Variants in NME9 observed in about 807,000 individuals in gnomAD.
NME9 encodes the protein thioredoxin domain-containing protein 6.
A neutral mutation model predicts 44.4 loss-of-function variants in NME9; 48 were observed. The observed-to-expected ratio is 1.08, with a 90% confidence interval of 0.86 to 1.37. NME9 has a LOEUF of 1.37. Ranked by LOEUF, NME9 falls within the 40% of genes most tolerant of loss-of-function variation. The pLI is 0.00. For missense variants in NME9, 325 were observed against 405.2 expected, an observed-to-expected ratio of 0.80 and a Z score of 1.70; for synonymous variants, 139 against 147.1, an observed-to-expected ratio of 0.94 and a Z score of 0.40.
rs768751199 is a variant in NME9, at chr3:138,303,628, G to T, written c.807C>A (p.Tyr269Ter). The T allele has an allele frequency of 6.2e-7, 1 of 1,608,256 alleles. No homozygotes were observed. The highest frequency in any genetic ancestry group is 1.1e-5 in the South Asian group (1 of 90,860). Residue 269 changes from tyrosine (Y) to a stop codon, truncating the protein, a stop_gained, in exon 10 of 11, where the codon TAC becomes TAA. Coordinates refer to ENST00000333911, the MANE Select transcript of NME9 (RefSeq NM_001349018.2). LOFTEE classifies it high-confidence loss of function. ...CGGCATTGAAGGGCATTTCTGTGCC[G>T]TACTGAGCTCGGAGACTGGGAACAT... ...REQPESLRAQ[Y>*]GTEMPFNAVH...
intron 6 of NME9, among the ~76,000 whole-genome samples, chr3:138,312,857 C>A (rs1202068252): frequency 6.6e-6 from 1 of 152,144 alleles, no homozygotes; most frequent in Non-Finnish European, 1.5e-5. Context: ...AACTATCCCT[C>A]CGACAAGGGA....
intron 9 of NME9, 109 bp downstream of exon 9, chr3:138,304,764 A>G: frequency 9.4e-7 from 1 of 1,064,820 alleles, no homozygotes; most frequent in South Asian, 1.5e-5. Context: ...CCTGGCCATC[A>G]GAGAGTCCTC....
chr3:138,321,666 T>C (rs909313450), intron 2 of NME9, among the ~76,000 whole-genome samples: 2 of 152,088 alleles, frequency 1.3e-5, no homozygotes, highest in Non-Finnish European at 2.9e-5. Context: ...GGTTTAGCCA[T>C]GTAGCACAAT....
At chr3:138,284,360 C>A (rs989593758) in intron 8 of NME9, 11 of 1,226,586 alleles carry the variant, frequency 9.0e-6, no homozygotes, top group Non-Finnish European at 1.3e-5. Context: ...AAAAATTGCC[C>A]AAGCTCTTGA....
At chr3:138,265,274 T>A (rs1234281274) in intron 8 of NME9, among the ~76,000 whole-genome samples, 1 of 152,208 alleles carries the variant, frequency 6.6e-6, no homozygotes. Flanking sequence ...CAAAAAAGGT[T>A]CAGGACAAAT....
chr3:138,297,835 A>G (rs999558786), downstream of NME9: 6 of 152,324 alleles, frequency 3.9e-5, no homozygotes, highest in East Asian at 5.8e-4. Context: ...TTTTAACACA[A>G]AACACTATAG....
intron 8 of NME9, among the ~76,000 whole-genome samples, chr3:138,283,141 CT>C (rs2050102533): frequency 6.6e-6 from 1 of 152,168 alleles, no homozygotes; most frequent in African/African-American, 2.4e-5. Flanking sequence ...CAGAGGCAGC[CT>C]TTTCTGGTTT....
chr3:138,324,693 TACACACACAC>T (rs55961241), intron 2 of NME9, 170 bp downstream of exon 2: 76,742 of 527,810 alleles, frequency 0.15, 426 homozygotes, highest in South Asian at 0.18. Context: ...TCAAGCCAGA[TACACACACAC>T]ACACACACAC....
intron 4 of NME9, 50 bp from the exon 5 acceptor site, chr3:138,315,693 CTT>C (rs1410950353): frequency 2.1e-6 from 3 of 1,397,108 alleles, no homozygotes; most frequent in East Asian, 5.0e-5. Flanking sequence ...ATATTAATCT[CTT>C]GTAAGAGATG....
intron 8 of NME9, among the ~76,000 whole-genome samples, chr3:138,264,972 A>C (rs896962930): frequency 5.3e-5 from 8 of 150,798 alleles, no homozygotes; most frequent in African/African-American, 2.0e-4. Flanking sequence ...GTCATGGCTC[A>C]CTGCAGCCTT....
intron 2 of NME9, among the ~76,000 whole-genome samples, chr3:138,320,691 C>T (rs914266855): frequency 6.6e-6 from 1 of 152,164 alleles, no homozygotes; most frequent in Non-Finnish European, 1.5e-5. Context: ...CTGCACTGGG[C>T]ATTGTAGAGA....
intron 2 of NME9, among the ~76,000 whole-genome samples, chr3:138,321,820 G>C (rs1489057289): frequency 1.3e-5 from 2 of 152,044 alleles, no homozygotes; most frequent in African/African-American, 4.8e-5. Flanking sequence ...TCACCTTTGA[G>C]CCTGGCAGAG....
At chr3:138,321,131 G>A (rs2108459893) in intron 2 of NME9, among the ~76,000 whole-genome samples, 1 of 152,330 alleles carries the variant, frequency 6.6e-6, no homozygotes, top group East Asian at 1.9e-4. Flanking sequence ...TACAGATGAG[G>A]AAACTGAAGT....
intron 8 of NME9, among the ~76,000 whole-genome samples, chr3:138,289,988 G>A (rs906048115): frequency 1.3e-5 from 2 of 152,184 alleles, no homozygotes; most frequent in African/African-American, 2.4e-5. Context: ...TAGATACCAC[G>A]TACCACTTGT....
At chr3:138,309,873 C>A (rs1256221634) in intron 6 of NME9, among the ~76,000 whole-genome samples, 1 of 151,530 alleles carries the variant, frequency 6.6e-6, no homozygotes, top group African/African-American at 2.4e-5. Context: ...ACTAAAAATA[C>A]AAAATTAGCC....
chr3:138,271,043 C>T (rs1013235452), intron 8 of NME9, among the ~76,000 whole-genome samples: 1 of 152,128 alleles, frequency 6.6e-6, no homozygotes, highest in Non-Finnish European at 1.5e-5. Flanking sequence ...GTGAAGGCCT[C>T]ACAGTTAATA....
At chr3:138,263,538 A>G in intron 8 of NME9, 1 of 595,698 alleles carries the variant, frequency 1.7e-6, no homozygotes, top group Middle Eastern at 4.5e-4. Flanking sequence ...CCTGTCATTC[A>G]GCCTGGCAGG....
At position 138,301,504 on chromosome 3, in the gene NME9, C is replaced by T; in HGVS notation, c.*136G>A. 2.1e-6 allele frequency: 3 copies of T among 1,443,892 alleles called. No homozygotes were observed. The highest frequency in any genetic ancestry group is 2.7e-6 in the Non-Finnish European group (3 of 1,099,306). The allele number at this position is 1,443,892 out of a possible 1,614,324, so 89.4% of individuals were successfully genotyped here. Reference sequence around the variant, plus strand: ...ACAGGTGTGAGTCACTGCGCCCAGCCATATTATTTTCATTGTCTACAAAAG... The same window carrying T: ...ACAGGTGTGAGTCACTGCGCCCAGCTATATTATTTTCATTGTCTACAAAAG... On this transcript the variant is annotated 3_prime_UTR_variant, in exon 11 of 11. Transcript: ENST00000333911.
In NME9 at chr3:138,318,230, C is replaced by A. The variant is rs1367429341; in HGVS notation, c.196-11G>T. 3 of 1,596,284 alleles carry A rather than the reference C, an allele frequency of 1.9e-6. No individual in the cohort carries two copies. Among genetic ancestry groups the A allele is most frequent in the Admixed American group, 3.3e-5 (2 of 60,002 alleles). On this transcript the variant is annotated splice_polypyrimidine_tract_variant and intron_variant, in intron 3 of 10. Coordinates refer to ENST00000333911, the MANE Select transcript of NME9 (RefSeq NM_001349018.2). ...ACGATCTGCCTCTGCCTAAAGAAAG[C>A]CACTATCAGCAGGTACCCTGGATGC... is the stretch of plus-strand genomic sequence containing the variant.
Sources: allele counts gnomAD v4.1 joint callset (sites outside exome capture counted in the v4.1 genomes callset), GRCh38; gene constraint gnomAD v4.1.1; transcripts MANE v1.5; gene names NCBI Gene and HGNC (gene_info 2026-07-23, HGNC 2026-07-21).